Variants in MAN2A2 observed in about 807,000 individuals in gnomAD.
The protein encoded by MAN2A2 is mannosidase alpha class 2A member 2.
MAN2A2 carries 79 observed loss-of-function variants against 126.8 expected under a neutral mutation model. The observed-to-expected ratio is 0.62, with a 90% confidence interval of 0.52 to 0.75. MAN2A2 has a LOEUF of 0.75. MAN2A2 is among the 30% of genes least tolerant of loss of function. The pLI is 0.00. For missense variants in MAN2A2, 1,392 were observed against 1,522.4 expected (o/e 0.91, Z 1.43); for synonymous variants, 671 against 618.7 (o/e 1.08, Z -1.25).
chr15:90,904,267 C>G lies in MAN2A2; in HGVS notation c.60C>G (p.Phe20Leu). The G allele has an allele frequency of 1.2e-6, 2 of 1,614,218 alleles. No homozygotes were observed. The highest frequency in any genetic ancestry group is 1.7e-6 in the Non-Finnish European group (2 of 1,180,044). Residue 20 changes from phenylalanine to leucine, a missense_variant, in exon 2 of 23, where the codon TTC (phenylalanine) becomes TTG (leucine). Physicochemically the swap from Phe to Leu is conservative, Grantham distance 22. Transcript: ENST00000559717. ...CGAAIFCVAV[F>L]SLYLMLDRVQ... ...CTGCCATCTTCTGTGTGGCAGTCTTCTCGCTCTACCTCATGCTGGACCGAG... is the reference window on the plus strand; with the variant it reads ...CTGCCATCTTCTGTGTGGCAGTCTTGTCGCTCTACCTCATGCTGGACCGAG...
In MAN2A2 at chr15:90,910,960, T is replaced by C; in HGVS notation, c.1874T>C (p.Val625Ala). ...GACCCTGAGGCGCCCTTCCTCCAAG[T>C]GGTGAGCCCCTCCTGGGTCTGCATG... Reference protein sequence around the residue: ...HFDPEAPFLQVDDTRLSHDAL... With the variant: ...HFDPEAPFLQADDTRLSHDAL... The change falls in exon 12 of 23, where the codon GTG (valine) becomes GCG (alanine). Residue 625 changes from valine to alanine, a missense_variant and splice_region_variant. By Grantham distance (64) the Val-to-Ala change is moderately conservative. Coordinates refer to ENST00000559717, the MANE Select transcript of MAN2A2 (RefSeq NM_006122.4). 1 of 1,612,804 alleles carries C rather than the reference T, an allele frequency of 6.2e-7. No individual in the cohort carries two copies. Among genetic ancestry groups the C allele is most frequent in the Non-Finnish European group, 8.5e-7 (1 of 1,178,920 alleles).
intron 21 of MAN2A2, 116 bp from the exon 22 acceptor site, chr15:90,918,529 C>A: frequency 1.6e-6 from 2 of 1,215,244 alleles, no homozygotes; most frequent in Non-Finnish European, 2.3e-6. Context: ...CAGGTTTTGG[C>A]CTTTCCTTAC....
chr15:90,916,453 C>T, intron 20 of MAN2A2, 197 bp downstream of exon 20: 2 of 1,088,184 alleles, frequency 1.8e-6, no homozygotes, highest in Non-Finnish European at 2.6e-6. Context: ...CCTCTCCCAG[C>T]AGCGCTCTGT....
intron 22 of MAN2A2, among the ~76,000 whole-genome samples, chr15:90,919,397 C>T (rs2035430468): frequency 6.6e-6 from 1 of 152,218 alleles, no homozygotes; most frequent in Non-Finnish European, 1.5e-5. Flanking sequence ...TGCCCCCACG[C>T]CCAGCTAATT....
At chr15:90,909,892 C>T (rs1037952021) in intron 9 of MAN2A2, among the ~76,000 whole-genome samples, 198 bp from the exon 10 acceptor site, 12 of 152,296 alleles carry the variant, frequency 7.9e-5, no homozygotes, top group Admixed American at 2.6e-4. Flanking sequence ...CGTGAGCCAC[C>T]GCGCCCAGCC....
chr15:90,914,809 C>T (rs754579739), intron 19 of MAN2A2, among the ~76,000 whole-genome samples: 85 of 152,196 alleles, frequency 5.6e-4, no homozygotes, highest in Non-Finnish European at 1.0e-3. Flanking sequence ...TGAGCCAACA[C>T]GCCCGGCCAA....
intron 22 of MAN2A2, among the ~76,000 whole-genome samples, chr15:90,919,326 G>A (rs746156244): frequency 4.6e-5 from 7 of 152,210 alleles, no homozygotes; most frequent in Admixed American, 2.6e-4. Flanking sequence ...TGCAACCCCC[G>A]CCTCCTGGTT....
chr15:90,907,137 C>A, intron 7 of MAN2A2, 172 bp from the exon 8 acceptor site: 1 of 820,894 alleles, frequency 1.2e-6, no homozygotes, highest in Non-Finnish European at 1.9e-6. Flanking sequence ...GTGTGCCCGT[C>A]CCCTGAGGGA....
chr15:90,912,353 G>A (rs1039352478), intron 15 of MAN2A2, 74 bp downstream of exon 15: 20 of 1,574,692 alleles, frequency 1.3e-5, no homozygotes, highest in African/African-American at 9.5e-5. Context: ...TGTGCAGAGC[G>A]GCCTCCCGGC....
chr15:90,910,312 T>C lies in MAN2A2; in HGVS notation c.1577+20T>C. On this transcript the variant is annotated intron_variant, in intron 10 of 22. Transcript: ENST00000559717. ...CCTGCGGTGAGACCCTGTCCCCGCT[T>C]CCAGGCTGGAGGGGGAGAGTCAGCC... The C allele has an allele frequency of 6.2e-7, 1 of 1,612,596 alleles. No individual in the cohort carries two copies. Among genetic ancestry groups the C allele is most frequent in the Non-Finnish European group, 8.5e-7 (1 of 1,178,912 alleles).
intron 15 of MAN2A2, 82 bp downstream of exon 15, chr15:90,912,361 G>C: frequency 6.4e-7 from 1 of 1,570,656 alleles, no homozygotes; most frequent in Non-Finnish European, 8.7e-7. Context: ...GCGGCCTCCC[G>C]GCCCTGTGAG....
intron 20 of MAN2A2, chr15:90,916,567 G>A: frequency 1.2e-5 from 16 of 1,375,510 alleles, no homozygotes; most frequent in Non-Finnish European, 1.5e-5. Context: ...TCATCTCATG[G>A]CTTTCTTTGC....
chr15:90,909,509 G>A lies in MAN2A2; in HGVS notation c.1374+5G>A. Reference sequence around the variant, plus strand: ...AGGCCTAACCTCCATGTGCAGGTGTGAGGGGCACTTGACTGGGGAGGGGCC... The same window carrying A: ...AGGCCTAACCTCCATGTGCAGGTGTAAGGGGCACTTGACTGGGGAGGGGCC... On this transcript the variant is annotated splice_donor_5th_base_variant and intron_variant, in intron 9 of 22. Transcript: ENST00000559717. The A allele has an allele frequency of 1.2e-6, 2 of 1,606,808 alleles. No individual in the cohort carries two copies. The highest frequency in any genetic ancestry group is 2.2e-5 in the South Asian group (2 of 90,940).
In MAN2A2 at chr15:90,912,010, G is replaced by A. The variant is rs1208167216; in HGVS notation, c.2110-33G>A. The A allele has an allele frequency of 3.8e-6, 6 of 1,570,438 alleles. No individual in the cohort carries two copies. The African/African-American group carries it at 8.1e-5, about 21-fold the overall frequency. The stretch of plus-strand genomic sequence containing the variant: ...TCAGCACCCCTGTGGCGAAAGCCGT[G>A]CCCCCACTTCCTCACCCCTCCTGTG... On this transcript the variant is annotated intron_variant, in intron 14 of 22. Coordinates refer to ENST00000559717, the MANE Select transcript of MAN2A2 (RefSeq NM_006122.4).
At chr15:90,907,532 C>A in intron 8 of MAN2A2, 37 bp downstream of exon 8, 1 of 1,585,500 alleles carries the variant, frequency 6.3e-7, no homozygotes, top group South Asian at 1.1e-5. Context: ...ACAGAGGAAT[C>A]GGGAGGCCTG....
intron 10 of MAN2A2, 99 bp from the exon 11 acceptor site, chr15:90,910,402 G>T (rs1400450204): frequency 1.3e-6 from 2 of 1,569,570 alleles, no homozygotes; most frequent in Non-Finnish European, 1.7e-6. Context: ...GGCCAGGGCA[G>T]GTAGAGGAGG....
intron 20 of MAN2A2, among the ~76,000 whole-genome samples, chr15:90,917,350 G>T (rs2035266330): frequency 6.6e-6 from 1 of 152,176 alleles, no homozygotes; most frequent in African/African-American, 2.4e-5. Context: ...ACTTTATCCT[G>T]GCTAGGAAAG....
intron 20 of MAN2A2, chr15:90,916,754 C>G (rs2035218883): frequency 1.1e-6 from 1 of 942,814 alleles, no homozygotes; most frequent in Admixed American, 2.3e-5. Flanking sequence ...GTCACTCGTG[C>G]ATCAGATAGA....
chr15:90,904,353 GGT>G lies in MAN2A2; in HGVS notation c.132+15_132+16del. On this transcript the variant is annotated intron_variant, in intron 2 of 22. Coordinates refer to ENST00000559717, the MANE Select transcript of MAN2A2 (RefSeq NM_006122.4). ...AACTTCCCCCGGGTGAGTCGTGCCT[GGT>G]TGCTAATTTCTTTGTATACAAGTCA... 6.2e-7 allele frequency: 1 copy of G among 1,611,220 alleles called. No homozygotes were observed. The highest frequency in any genetic ancestry group is 8.5e-7 in the Non-Finnish European group (1 of 1,177,896).
Sources: allele counts gnomAD v4.1 joint callset (sites outside exome capture counted in the v4.1 genomes callset), GRCh38; gene constraint gnomAD v4.1.1; transcripts MANE v1.5; gene names NCBI Gene and HGNC (gene_info 2026-07-23, HGNC 2026-07-21).